EEF1D: variants seen among roughly 807,000 people sequenced by gnomAD.
EEF1D encodes elongation factor 1-delta.
EEF1D carries 47 observed loss-of-function variants against 63.9 expected under a neutral mutation model. The ratio of observed to expected loss-of-function variants is 0.74; its 90% CI spans 0.58 to 0.94. The LOEUF (loss-of-function observed/expected upper bound fraction) is 0.94. Ranked by LOEUF, EEF1D falls within the 40% of genes least tolerant of loss-of-function variation. The pLI is 0.00. For missense variants in EEF1D, 907 were observed against 899.0 expected (o/e 1.01, Z -0.11); for synonymous variants, 412 against 386.1 (o/e 1.07, Z -0.79).
intron 5 of EEF1D, 120 bp from the exon 6 acceptor site, chr8:143,581,448 C>T (rs1342363803): frequency 3.5e-6 from 3 of 854,370 alleles, no homozygotes; most frequent in Non-Finnish European, 5.4e-6. Flanking sequence ...CAGGAGGTGC[C>T]CCCCGCTGAT....
In EEF1D at chr8:143,581,079, T is replaced by G. The variant is rs950032290; in HGVS notation, c.1463A>C (p.His488Pro). 1 of 1,612,166 alleles carries G rather than the reference T, an allele frequency of 6.2e-7. No individual in the cohort carries two copies. The highest frequency in any genetic ancestry group is 8.5e-7 in the Non-Finnish European group (1 of 1,179,936). ...LNVLEKSSPG[H>P]RATAPQTQHV... ...CTGGGTCTGTGGGGCCGTGGCCCGG[T>G]GGCCAGGCGAGCTCTTCTCCAGCAC... The change falls in exon 7 of 10, where the codon CAC (histidine) becomes CCC (proline). Residue 488 changes from histidine to proline, a missense_variant. By Grantham distance (77) the His-to-Pro change is moderately conservative. Coordinates refer to ENST00000618139, the MANE Select transcript of EEF1D (RefSeq NM_001130053.5).
intron 5 of EEF1D, 191 bp downstream of exon 5, chr8:143,586,028 G>T (rs770119581): frequency 1.6e-5 from 8 of 509,480 alleles, no homozygotes; most frequent in Non-Finnish European, 2.8e-5. Context: ...CGGAAGGGAC[G>T]CGAGAATAAG....
chr8:143,591,690 A>G (rs1447131069), intron 2 of EEF1D, among the ~76,000 whole-genome samples: 1 of 152,248 alleles, frequency 6.6e-6, no homozygotes, highest in African/African-American at 2.4e-5. Context: ...GCCCCAGGGC[A>G]CCGTGACTGG....
chr8:143,586,966 T>C, intron 3 of EEF1D, 114 bp from the exon 4 acceptor site: 2 of 1,459,888 alleles, frequency 1.4e-6, no homozygotes, highest in South Asian at 1.3e-5. Context: ...CACCAGCGGT[T>C]CTCCACAAAG....
In EEF1D at chr8:143,580,649, T is replaced by C. The variant is rs1825292387; in HGVS notation, c.1567A>G (p.Ile523Val). 1 of 1,613,970 alleles carries C rather than the reference T, an allele frequency of 6.2e-7. No homozygotes were observed. Among genetic ancestry groups the C allele is most frequent in the African/African-American group, 1.3e-5 (1 of 75,062 alleles). ...TCATTGTCACTGCCAAACAGGTCAA[T>C]GTCATCATCCTCGTCATCCTCTGCT... Reference protein sequence around the residue: ...TPAEDDEDDDIDLFGSDNEEE... With the variant: ...TPAEDDEDDDVDLFGSDNEEE... Residue 523 changes from isoleucine to valine, a missense_variant, in exon 8 of 10, where the codon ATT (isoleucine) becomes GTT (valine). By Grantham distance (29) the Ile-to-Val change is conservative. Transcript: ENST00000618139.
At chr8:143,592,780 G>C (rs1383550207) in intron 1 of EEF1D, 120 bp from the exon 2 acceptor site, 1 of 860,216 alleles carries the variant, frequency 1.2e-6, no homozygotes, top group African/African-American at 1.8e-5. Flanking sequence ...TGCTTGGCGA[G>C]GTGGTGTGGA....
In EEF1D at chr8:143,586,814, A is replaced by T; in HGVS notation, c.1130T>A (p.Ile377Asn). Residue 377 changes from isoleucine to asparagine, a missense_variant, in exon 4 of 10, where the codon ATC (isoleucine) becomes AAC (asparagine). By Grantham distance (149) the Ile-to-Asn change is moderately radical (BLOSUM62 -3). Transcript: ENST00000618139. The stretch of plus-strand genomic sequence containing the variant: ...GTCATATTTGAACTTGTCGAACCAG[A>T]TCTTCTCATGTGCTAGGAAGTTTGT... The part of the protein sequence containing the change: ...MATNFLAHEK[I>N]WFDKFKYDDA... 1 of 1,614,174 alleles carries T rather than the reference A, an allele frequency of 6.2e-7. No individual in the cohort carries two copies. Among genetic ancestry groups the T allele is most frequent in the Middle Eastern group, 1.6e-4 (1 of 6,062 alleles).
intron 5 of EEF1D, among the ~76,000 whole-genome samples, chr8:143,585,796 C>T (rs566999880): frequency 1.3e-5 from 2 of 152,340 alleles, no homozygotes; most frequent in South Asian, 2.1e-4. Context: ...GAACTCCTTG[C>T]GCCTTGCAGA....
At chr8:143,597,096 G>A (rs561005734) in intron 1 of EEF1D, 46 of 152,282 alleles carry the variant, frequency 3.0e-4, no homozygotes, top group African/African-American at 1.0e-3. Context: ...GGGATGCGCC[G>A]TGAGACAGTG....
rs753872753 is a variant in EEF1D at position 143,589,968 on chromosome 8, G to A, written c.114C>T (p.Ser38=). 9.4e-6 allele frequency: 15 copies of A among 1,598,772 alleles called. No individual in the cohort carries two copies. The highest frequency in any genetic ancestry group is 6.7e-5 in the African/African-American group (5 of 74,922). ...YEHEATQAAA[S]AQQLPAEGPA... The stretch of plus-strand genomic sequence containing the variant: ...GCCCCTCGGCTGGCAGCTGCTGGGC[G>A]GAGGCGGCCGCCTGTGTGGCCTCGT... The change falls in exon 3 of 10, where the codon TCC becomes TCT. Residue 38 remains serine (S), a synonymous_variant. Coordinates refer to ENST00000618139, the MANE Select transcript of EEF1D (RefSeq NM_001130053.5).
chr8:143,594,773 C>T (rs761427521), intron 1 of EEF1D, among the ~76,000 whole-genome samples: 5 of 152,228 alleles, frequency 3.3e-5, no homozygotes, highest in Admixed American at 2.0e-4. Flanking sequence ...ACTTTCAGTA[C>T]CTTCAGTGCC....
chr8:143,589,578 G>A lies in EEF1D; in HGVS notation c.504C>T (p.Ser168=). ...AGGCCCGCTCAGCCTGGTCGAAGGA[G>A]GACTTGTTGACCCAGATCCCCCAGG... The part of the protein sequence containing the change: ...HVTWGIWVNK[S]SFDQAERAFV... The change falls in exon 3 of 10, where the codon TCC becomes TCT. Residue 168 remains serine (S), a synonymous_variant. Coordinates refer to ENST00000618139, the MANE Select transcript of EEF1D (RefSeq NM_001130053.5). 1.3e-6 allele frequency: 2 copies of A among 1,518,784 alleles called. No individual in the cohort carries two copies. The highest frequency in any genetic ancestry group is 8.8e-7 in the Non-Finnish European group (1 of 1,133,108). 94.1% of individuals were successfully genotyped at this position (1,518,784 alleles called of 1,614,324 possible).
chr8:143,590,539 T>G, intron 2 of EEF1D: 1 of 1,155,776 alleles, frequency 8.7e-7, no homozygotes, highest in Non-Finnish European at 1.1e-6. Flanking sequence ...GTTCCCATTC[T>G]ACAGAACGGT....
At position 143,580,858 on chromosome 8, in the gene EEF1D, T is replaced by G. The variant is rs116265430; in HGVS notation, c.1489-131A>C. On this transcript the variant is annotated intron_variant, in intron 7 of 9. Coordinates refer to ENST00000618139, the MANE Select transcript of EEF1D (RefSeq NM_001130053.5). ...GCAGCCCCTGTGTACCGCAGCTGTG[T>G]ACATGCAGGGCCCCAGGAAAGACAA... is the stretch of plus-strand genomic sequence containing the variant. 4,382 of 1,200,602 alleles carry G rather than the reference T, an allele frequency of 3.6e-3. 102 individuals carry two copies. The African/African-American group carries it at 0.046, about 13-fold the overall frequency. The allele number at this position is 1,200,602 out of a possible 1,614,324, so 74.4% of individuals were successfully genotyped here. A position where few individuals can be genotyped will look rare whatever the true frequency, so the allele number is the denominator to read the frequency against.
intron 5 of EEF1D, among the ~76,000 whole-genome samples, chr8:143,584,460 G>A (rs904392665): frequency 6.6e-6 from 1 of 152,010 alleles, no homozygotes; most frequent in Non-Finnish European, 1.5e-5. Flanking sequence ...TCAGCTACTC[G>A]GGAGGCTGAC....
At position 143,581,344 on chromosome 8, in the gene EEF1D, A is replaced by C. The variant is rs1234432784; in HGVS notation, c.1288-16T>G. On this transcript the variant is annotated splice_polypyrimidine_tract_variant and intron_variant, in intron 5 of 9. Coordinates refer to ENST00000618139, the MANE Select transcript of EEF1D (RefSeq NM_001130053.5). ...GGCCTGAGCTCTGCAAGGCAGGAGG[A>C]GGGGAGGGCTCAGTGCCCAGCCTGC... 2.5e-6 allele frequency: 4 copies of C among 1,606,506 alleles called. No individual in the cohort carries two copies. Among genetic ancestry groups the C allele is most frequent in the African/African-American group, 2.7e-5 (2 of 74,788 alleles).
intron 2 of EEF1D, among the ~76,000 whole-genome samples, chr8:143,591,126 A>AT (rs1294430065): frequency 6.6e-6 from 1 of 152,228 alleles, no homozygotes; most frequent in Non-Finnish European, 1.5e-5. Context: ...CTTTGGGTCC[A>AT]TCCAAGCTAA....
chr8:143,580,521 C>T lies in EEF1D; in HGVS notation c.1695G>A (p.Leu565=). ...GCCCACTCACAGGCTTGACATCCAGCAGGATGGAGGACTTGGCCACCAGTG... is the reference window on the plus strand; with the variant it reads ...GCCCACTCACAGGCTTGACATCCAGTAGGATGGAGGACTTGGCCACCAGTG... ...KPALVAKSSI[L]LDVKPWDDET... is the part of the protein sequence containing the mutation. The change falls in exon 8 of 10, where the codon CTG becomes CTA. Residue 565 remains leucine, a synonymous_variant. Transcript: ENST00000618139. 3 of 1,612,544 alleles carry T rather than the reference C, an allele frequency of 1.9e-6. No homozygotes were observed. The South Asian group carries it at 3.3e-5, about 18-fold the overall frequency.
At chr8:143,587,043 C>T (rs1463886149) in intron 3 of EEF1D, 191 bp from the exon 4 acceptor site, 1 of 680,814 alleles carries the variant, frequency 1.5e-6, no homozygotes, top group African/African-American at 1.8e-5. Flanking sequence ...ACGAGGAGTT[C>T]TCAAAGTGTG....
Sources: gnomAD v4.1 joint callset for allele counts (sites outside exome capture counted in the v4.1 genomes callset) on GRCh38, gnomAD v4.1.1 for gene constraint, MANE v1.5 for transcripts, NCBI Gene and HGNC (gene_info 2026-07-23, HGNC 2026-07-21) for gene names.